MAGED1: variants seen among roughly 807,000 people sequenced by gnomAD.
MAGED1 encodes the protein MAGE family member D1.
In MAGED1, 3 loss-of-function variants were observed where a neutral mutation model predicts 54.1. The observed-to-expected ratio is 0.06, with a 90% confidence interval of 0.03 to 0.14. The LOEUF (loss-of-function observed/expected upper bound fraction) is 0.14. Among genes scored for constraint, MAGED1 ranks in the 10% least tolerant of loss-of-function variants. The probability of loss-of-function intolerance (pLI) is 1.00; values close to 1 mark genes in which losing one functional copy is unlikely to be tolerated. For synonymous variants in MAGED1, 217 were observed against 227.3 expected, an observed-to-expected ratio of 0.95 and a Z score of 0.41; for missense variants, 485 against 623.4, an observed-to-expected ratio of 0.78 and a Z score of 2.36.
intron 1 of MAGED1, among the ~76,000 whole-genome samples, chrX:51,809,689 A>G (rs781902108): frequency 6.4e-5 from 7 of 109,996 alleles, no homozygotes; most frequent in African/African-American, 6.6e-5. Flanking sequence ...TTTTTAATTG[A>G]TGCTGGGATT....
intron 1 of MAGED1, among the ~76,000 whole-genome samples, chrX:51,873,413 A>G (rs1557361774): frequency 9.0e-6 from 1 of 110,739 alleles, no homozygotes; most frequent in Admixed American, 9.6e-5. Context: ...TGTGAATATG[A>G]TAGTTTGGAG....
At chrX:51,829,792 T>G (rs928299322) in intron 1 of MAGED1, among the ~76,000 whole-genome samples, 1 of 111,582 alleles carries the variant, frequency 9.0e-6, no homozygotes, top group Non-Finnish European at 1.9e-5. Context: ...AGGTAAAAAT[T>G]TTATTGTTTG....
chrX:51,828,932 T>A (rs973836534), intron 1 of MAGED1, among the ~76,000 whole-genome samples: 3 of 111,655 alleles, frequency 2.7e-5, no homozygotes, highest in Non-Finnish European at 5.7e-5. Context: ...TATGGATTTT[T>A]TCTACTTGTA....
chrX:51,879,253 C>T (rs1412373768), intron 1 of MAGED1, among the ~76,000 whole-genome samples: 4 of 111,708 alleles, frequency 3.6e-5, no homozygotes, highest in Non-Finnish European at 7.5e-5. Context: ...CTCTCCCTTT[C>T]TTTATGTACT....
At chrX:51,832,177 G>A (rs782567034) in intron 1 of MAGED1, among the ~76,000 whole-genome samples, 3 of 110,215 alleles carry the variant, frequency 2.7e-5, no homozygotes, top group South Asian at 3.9e-4. Context: ...CTATAGGCGC[G>A]CACCACCACA....
chrX:51,836,573 G>GTT (rs782017259), intron 1 of MAGED1, among the ~76,000 whole-genome samples: 8 of 99,043 alleles, frequency 8.1e-5, no homozygotes, highest in Non-Finnish European at 8.2e-5. Context: ...TGTGTACTCT[G>GTT]TTTTTTTTTT....
intron 1 of MAGED1, among the ~76,000 whole-genome samples, chrX:51,862,403 A>T (rs1652477833): frequency 9.0e-6 from 1 of 111,270 alleles, no homozygotes; most frequent in South Asian, 3.9e-4. Flanking sequence ...ATGCCTCCAG[A>T]CCCACCGACC....
At chrX:51,839,079 CT>C (rs1926361401) in intron 1 of MAGED1, among the ~76,000 whole-genome samples, 3 of 111,658 alleles carry the variant, frequency 2.7e-5, no homozygotes. Context: ...AATCAAACCT[CT>C]TCCACTTTGG....
intron 1 of MAGED1, among the ~76,000 whole-genome samples, chrX:51,817,556 C>G: frequency 8.9e-6 from 1 of 112,228 alleles, no homozygotes; most frequent in Admixed American, 9.4e-5. Context: ...ACACAATAAA[C>G]ATGTACCTGG....
chrX:51,890,305 G>A (rs1007083021), upstream of MAGED1, among the ~76,000 whole-genome samples: 3 of 112,405 alleles, frequency 2.7e-5, no homozygotes, highest in African/African-American at 9.7e-5. Context: ...CTGAAAAGTC[G>A]TGCCTGGTCT....
intron 1 of MAGED1, among the ~76,000 whole-genome samples, chrX:51,830,924 C>T (rs782543528): frequency 1.8e-5 from 2 of 112,150 alleles, no homozygotes; most frequent in African/African-American, 3.2e-5. Context: ...TGCAGTGGCA[C>T]GATCTCAGCT....
chrX:51,804,748 A>G (rs1340674082), intron 1 of MAGED1, among the ~76,000 whole-genome samples: 1 of 111,770 alleles, frequency 8.9e-6, no homozygotes, highest in Non-Finnish European at 1.9e-5. Flanking sequence ...TAAATATGTA[A>G]TAGGTTGTAA....
At chrX:51,850,067 G>A (rs1195195591) in intron 1 of MAGED1, among the ~76,000 whole-genome samples, 1 of 110,445 alleles carries the variant, frequency 9.1e-6, no homozygotes, top group Admixed American at 9.7e-5. Context: ...CTACAGGTGC[G>A]CAACACCACG....
chrX:51,834,872 T>G (rs1199051462), intron 1 of MAGED1, among the ~76,000 whole-genome samples: 1 of 112,178 alleles, frequency 8.9e-6, no homozygotes, highest in Non-Finnish European at 1.9e-5. Flanking sequence ...CTTCTAAATG[T>G]TCTAAAACCT....
At chrX:51,805,731 C>G (rs1925000936) in intron 1 of MAGED1, among the ~76,000 whole-genome samples, 1 of 108,549 alleles carries the variant, frequency 9.2e-6, no homozygotes, top group South Asian at 3.9e-4. Context: ...AACTGTTAAC[C>G]TTTGCCATAT....
chrX:51,804,794 A>G (rs1924972024), intron 1 of MAGED1, among the ~76,000 whole-genome samples: 1 of 111,990 alleles, frequency 8.9e-6, no homozygotes, highest in Non-Finnish European at 1.9e-5. Context: ...TAGGATGGGC[A>G]GGAAGGCTTC....
chrX:51,874,950 A>G (rs1271298638), intron 1 of MAGED1, among the ~76,000 whole-genome samples: 1 of 110,663 alleles, frequency 9.0e-6, no homozygotes, highest in Non-Finnish European at 1.9e-5. Flanking sequence ...TTTGTTCTGA[A>G]ATGCACTTCT....
At chrX:51,843,191 A>G (rs1339395929) in intron 1 of MAGED1, among the ~76,000 whole-genome samples, 2 of 111,519 alleles carry the variant, frequency 1.8e-5, no homozygotes, top group South Asian at 3.7e-4. Context: ...GCCCCTTTCC[A>G]GGTTCCCAGA....
intron 3 of MAGED1, 29 bp downstream of exon 3, chrX:51,895,789 T>G (rs199532473): frequency 1.9e-6 from 2 of 1,080,784 alleles, no homozygotes; most frequent in Non-Finnish European, 2.5e-6. Context: ...TCATTTTGCT[T>G]TGGGGCTGTC....
Sources: allele counts gnomAD v4.1 joint callset (sites outside exome capture counted in the v4.1 genomes callset), GRCh38; gene constraint gnomAD v4.1.1; transcripts MANE v1.5; gene names NCBI Gene and HGNC (gene_info 2026-07-23, HGNC 2026-07-21).